Variants in YTHDC2 observed in about 807,000 individuals in gnomAD.
YTHDC2 encodes 3'-5' RNA helicase YTHDC2.
A neutral mutation model predicts 174.9 loss-of-function variants in YTHDC2; 45 were observed. That is an observed-to-expected ratio of 0.26 (90% confidence interval 0.20 to 0.33). The LOEUF (loss-of-function observed/expected upper bound fraction) is 0.33, where lower values mean the gene tolerates loss of function less well. YTHDC2 is among the 10% of genes least tolerant of loss of function. The pLI is 1.00. For missense variants in YTHDC2, 1,650 were observed against 1,723.7 expected, an observed-to-expected ratio of 0.96 and a Z score of 0.76; for synonymous variants, 657 against 574.5, an observed-to-expected ratio of 1.14 and a Z score of -2.05.
chr5:113,527,511 T>C (rs1453061901), intron 4 of YTHDC2, among the ~76,000 whole-genome samples: 1 of 152,152 alleles, frequency 6.6e-6, no homozygotes, highest in East Asian at 1.9e-4. Flanking sequence ...ATAAATAGAA[T>C]ATTTGTAGGT....
At chr5:113,583,104 A>G (rs1336368963) in intron 25 of YTHDC2, 5 of 152,214 alleles carry the variant, frequency 3.3e-5, no homozygotes, top group Non-Finnish European at 2.9e-5. Flanking sequence ...GAAACGTGAC[A>G]TACTAATATA....
At chr5:113,573,233 G>T (rs926567992) in intron 23 of YTHDC2, among the ~76,000 whole-genome samples, 1 of 152,124 alleles carries the variant, frequency 6.6e-6, no homozygotes, top group Non-Finnish European at 1.5e-5. Context: ...ATAAAGCTCA[G>T]TTTGGCTGGA....
chr5:113,585,196 A>G (rs1175434671), intron 26 of YTHDC2, among the ~76,000 whole-genome samples: 1 of 151,502 alleles, frequency 6.6e-6, no homozygotes, highest in African/African-American at 2.4e-5. Flanking sequence ...TACAGTGGTT[A>G]TATTAAAAAA....
chr5:113,553,216 C>G lies in YTHDC2; in HGVS notation c.1724C>G (p.Ser575Cys). The G allele has an allele frequency of 7.6e-7, 1 of 1,314,254 alleles. No individual in the cohort carries two copies. The highest frequency in any genetic ancestry group is 1.0e-6 in the Non-Finnish European group (1 of 1,000,306). 81.4% of individuals were successfully genotyped at this position (1,314,254 alleles called of 1,614,324 possible). A position where few individuals can be genotyped will look rare whatever the true frequency, so the allele number is the denominator to read the frequency against. ...GAATTTGGAAATCTAGATGAAAGTT[C>G]TCTGGTTCAAACAAATGGAAGTGAC... Reference protein sequence around the residue: ...TLEFGNLDESSLVQTNGSDLS... With the variant: ...TLEFGNLDESCLVQTNGSDLS... Residue 575 changes from serine to cysteine, a missense_variant, in exon 13 of 30, where the codon TCT becomes TGT. Ser to Cys is a moderately radical substitution (Grantham distance 112). This residue lies in a region of YTHDC2 where 411 missense variants were observed against 380.6 expected (regional missense o/e 1.08). Coordinates refer to ENST00000161863, the MANE Select transcript of YTHDC2 (RefSeq NM_022828.5).
intron 4 of YTHDC2, 121 bp downstream of exon 4, chr5:113,526,906 A>G (rs937383819): frequency 8.3e-6 from 2 of 240,640 alleles, no homozygotes; most frequent in African/African-American, 4.6e-5. Context: ...AAAAACAGAA[A>G]AAGAAACTTG....
intron 13 of YTHDC2, 57 bp from the exon 14 acceptor site, chr5:113,553,533 G>T: frequency 6.4e-7 from 1 of 1,565,934 alleles, no homozygotes; most frequent in South Asian, 1.1e-5. Context: ...TTATAATTCT[G>T]TTGATTGCCT....
chr5:113,583,344 T>C (rs1034129020), intron 25 of YTHDC2: 2 of 152,098 alleles, frequency 1.3e-5, no homozygotes, highest in Non-Finnish European at 2.9e-5. Flanking sequence ...AAAAACAAAA[T>C]AATGTTAGAT....
At chr5:113,580,164 A>G (rs1778309746) in intron 24 of YTHDC2, among the ~76,000 whole-genome samples, 1 of 152,122 alleles carries the variant, frequency 6.6e-6, no homozygotes, top group South Asian at 2.1e-4. Flanking sequence ...ATGAAGCCAG[A>G]GCCCTCATGA....
chr5:113,558,290 T>G (rs1280367991), intron 17 of YTHDC2, among the ~76,000 whole-genome samples: 2 of 152,204 alleles, frequency 1.3e-5, no homozygotes, highest in Non-Finnish European at 2.9e-5. Flanking sequence ...GACATGAGTA[T>G]AGTATTCTTT....
In YTHDC2 at chr5:113,586,867, C is replaced by CTA. The variant is rs1344470272; in HGVS notation, c.3825+2389_3825+2390insAT. Among the ~76,000 whole-genome samples, 260 of 138,864 alleles carry CTA rather than the reference C, an allele frequency of 1.9e-3. 1 individual carries two copies. Among genetic ancestry groups the CTA allele is most frequent in the Middle Eastern group, 3.8e-3 (1 of 266 alleles). The allele number at this position is 138,864 out of a possible 152,430, so 91.1% of individuals were successfully genotyped here. A position where few individuals can be genotyped will look rare whatever the true frequency, so the allele number is the denominator to read the frequency against. On this transcript the variant is annotated intron_variant, in intron 26 of 29. Coordinates refer to ENST00000161863, the MANE Select transcript of YTHDC2 (RefSeq NM_022828.5). ...GTTTCATTAATATCTCTCTCTCTCTCTCTCTCTATATATATATATAATATA... is the reference window on the plus strand; with the variant it reads ...GTTTCATTAATATCTCTCTCTCTCTCTATCTCTCTATATATATATATAATATA...
In YTHDC2 at chr5:113,535,755, A is replaced by C; in HGVS notation, c.1059A>C (p.Val353=). ...KLILSSAALD[V]NLFIRYFGSC... ...TTCTTTCTAGTGCTGCCTTGGATGT[A>C]AATCTCTTTATAAGATATTTTGGAA... is the stretch of plus-strand genomic sequence containing the variant. Residue 353 remains valine (V), a synonymous_variant, in exon 7 of 30, where the codon GTA becomes GTC. Coordinates refer to ENST00000161863, the MANE Select transcript of YTHDC2 (RefSeq NM_022828.5). The C allele has an allele frequency of 1.9e-6, 3 of 1,613,244 alleles. No individual in the cohort carries two copies. Among genetic ancestry groups the C allele is most frequent in the Non-Finnish European group, 2.5e-6 (3 of 1,179,620 alleles).
chr5:113,566,506 T>G (rs979719374), intron 21 of YTHDC2, among the ~76,000 whole-genome samples: 1 of 150,518 alleles, frequency 6.6e-6, no homozygotes, highest in African/African-American at 2.5e-5. Flanking sequence ...TAGAATTGCC[T>G]TTTTGAGTAG....
rs1285152761 is a variant in YTHDC2 at position 113,592,088 on chromosome 5, A to G, written c.4122A>G (p.Ile1374Met). Residue 1374 changes from isoleucine (I) to methionine (M), a missense_variant, in exon 28 of 30, where the codon ATA becomes ATG. Ile to Met is a conservative substitution (Grantham distance 10, BLOSUM62 1). Around this residue, in one of 5 missense-constraint regions of YTHDC2, gnomAD observed 913 missense variants for 940.4 expected, o/e 0.97. Transcript: ENST00000161863. ...GAGGAGTATTTAAGGTGGAGTGGAT[A>G]CGAAAAGAAAGCCTTCCCTTTCAAT... is the stretch of plus-strand genomic sequence containing the variant. ...GLGGVFKVEWIRKESLPFQFA... is the reference protein window; with the variant it reads ...GLGGVFKVEWMRKESLPFQFA... 9.3e-6 allele frequency: 15 copies of G among 1,613,292 alleles called. No homozygotes were observed. Among genetic ancestry groups the G allele is most frequent in the Admixed American group, 6.7e-5 (4 of 59,884 alleles).
rs1434993936 is a variant in YTHDC2 at position 113,579,768 on chromosome 5, A to T, written c.3354+73A>T. The T allele has an allele frequency of 1.9e-5, 27 of 1,396,676 alleles. No homozygotes were observed. In the East Asian group the frequency reaches 5.4e-4, roughly 28 times the overall value. 86.5% of individuals were successfully genotyped at this position (1,396,676 alleles called of 1,614,324 possible). A position where few individuals can be genotyped will look rare whatever the true frequency, so the allele number is the denominator to read the frequency against. The stretch of plus-strand genomic sequence containing the variant: ...GTGAATTGATATATAATATGATAAA[A>T]TTTTTTTCTTTACTATTGAGCCCTT... On this transcript the variant is annotated intron_variant, in intron 24 of 29. Coordinates refer to ENST00000161863, the MANE Select transcript of YTHDC2 (RefSeq NM_022828.5).
At chr5:113,561,233 T>A in intron 18 of YTHDC2, 48 bp downstream of exon 18, 8 of 1,454,674 alleles carry the variant, frequency 5.5e-6, no homozygotes, top group Non-Finnish European at 7.6e-6. Flanking sequence ...GTGAGGGAAG[T>A]GAGGGGCCAT....
At chr5:113,579,269 A>G (rs1778249167) in intron 23 of YTHDC2, among the ~76,000 whole-genome samples, 1 of 152,150 alleles carries the variant, frequency 6.6e-6, no homozygotes, top group African/African-American at 2.4e-5. Context: ...TATGTAGTAT[A>G]GTCATTCCTT....
At chr5:113,548,475 T>C in intron 10 of YTHDC2, 66 bp from the exon 11 acceptor site, 1 of 1,476,908 alleles carries the variant, frequency 6.8e-7, no homozygotes, top group Non-Finnish European at 9.1e-7. Context: ...TCAGATTTTT[T>C]AAAGAATGAA....
chr5:113,543,616 G>T (rs1183048415), intron 10 of YTHDC2, among the ~76,000 whole-genome samples: 1 of 152,162 alleles, frequency 6.6e-6, no homozygotes, highest in Non-Finnish European at 1.5e-5. Flanking sequence ...AAGGAAATTG[G>T]ATCATTCCAC....
intron 26 of YTHDC2, 102 bp downstream of exon 26, chr5:113,584,581 G>T: frequency 9.4e-7 from 1 of 1,065,746 alleles, no homozygotes; most frequent in Non-Finnish European, 1.3e-6. Flanking sequence ...TTCTAATTGT[G>T]GCCTCTTCTA....
Sources: allele counts gnomAD v4.1 joint callset (sites outside exome capture counted in the v4.1 genomes callset), GRCh38; gene constraint gnomAD v4.1.1; regional missense constraint gnomAD v4.1.1; transcripts MANE v1.5; gene names NCBI Gene and HGNC (gene_info 2026-07-23, HGNC 2026-07-21).